ADGRL3: variants seen among roughly 807,000 people sequenced by gnomAD.
ADGRL3 encodes calcium-independent alpha-latrotoxin receptor 3.
In ADGRL3, 62 loss-of-function variants were observed where a neutral mutation model predicts 153.5. That is an observed-to-expected ratio of 0.40 (90% confidence interval 0.33 to 0.50). The LOEUF is 0.50. ADGRL3 is among the 20% of genes least tolerant of loss of function. The pLI, the probability that ADGRL3 is intolerant of heterozygous loss-of-function variation, is 0.47. For missense variants in ADGRL3, 1,641 were observed against 1,859.4 expected (o/e 0.88, Z 2.16); for synonymous variants, 710 against 672.5 (o/e 1.06, Z -0.86).
At position 61,773,370 on chromosome 4, in the gene ADGRL3, A is replaced by T. The variant is rs72638572; in HGVS notation, c.1399+39816A>T. 2.8e-3 allele frequency among the ~76,000 whole-genome samples: 425 copies of T among 152,308 alleles called. 2 individuals are homozygous for T. The highest frequency in any genetic ancestry group is 7.3e-3 in the Admixed American group (111 of 15,300). On this transcript the variant is annotated intron_variant, in intron 8 of 26. Coordinates refer to ENST00000683033, the MANE Select transcript of ADGRL3 (RefSeq NM_001387552.1). ...ATACTGGAGTTTTCTTTTTCCTAGT[A>T]CTATTGTCTCATTCGGCCTCAAGCT...
intron 4 of ADGRL3, among the ~76,000 whole-genome samples, chr4:61,549,244 G>A (rs373612940): frequency 2.0e-5 from 3 of 151,642 alleles, no homozygotes; most frequent in African/African-American, 7.2e-5. Context: ...GGTTTTCTAG[G>A]TATAGAATCA....
intron 9 of ADGRL3, among the ~76,000 whole-genome samples, chr4:61,856,948 TTCTCTTTC>T (rs1158818512): frequency 3.4e-4 from 30 of 88,128 alleles, no homozygotes; most frequent in African/African-American, 1.1e-3. Flanking sequence ...CTCTTTCTTC[TTCTCTTTC>T]TTTCTTTCTT....
At chr4:61,522,076 A>C (rs2098534720) in intron 4 of ADGRL3, among the ~76,000 whole-genome samples, 1 of 152,140 alleles carries the variant, frequency 6.6e-6, no homozygotes, top group Non-Finnish European at 1.5e-5. Context: ...TCTACTTCCC[A>C]GTAATACCTA....
intron 5 of ADGRL3, among the ~76,000 whole-genome samples, chr4:61,589,619 C>T (rs752833486): frequency 3.9e-5 from 6 of 151,962 alleles, no homozygotes; most frequent in Non-Finnish European, 8.8e-5. Context: ...AGAGTCTAAA[C>T]GTTTCTAAGC....
intron 6 of ADGRL3, among the ~76,000 whole-genome samples, chr4:61,725,132 G>A (rs1236923317): frequency 6.6e-6 from 1 of 152,120 alleles, no homozygotes; most frequent in Non-Finnish European, 1.5e-5. Flanking sequence ...GTTGAGCACT[G>A]TAGATGAGTA....
intron 1 of ADGRL3, among the ~76,000 whole-genome samples, chr4:61,349,042 A>C (rs1442602449): frequency 6.6e-6 from 1 of 151,930 alleles, no homozygotes; most frequent in Non-Finnish European, 1.5e-5. Context: ...ATTTAAGACA[A>C]ATATATTTAA....
chr4:61,960,930 G>T (rs1007053718), intron 17 of ADGRL3, among the ~76,000 whole-genome samples: 1 of 152,008 alleles, frequency 6.6e-6, no homozygotes, highest in African/African-American at 2.4e-5. Context: ...GGAGGGTTTC[G>T]ATCTCTTGAC....
chr4:61,555,991 T>G (rs2098764368), intron 4 of ADGRL3, among the ~76,000 whole-genome samples: 1 of 152,120 alleles, frequency 6.6e-6, no homozygotes. Context: ...CTGTATCTTG[T>G]GCTGTCCTCT....
intron 5 of ADGRL3, among the ~76,000 whole-genome samples, chr4:61,657,569 C>T (rs2094475314): frequency 6.6e-6 from 1 of 151,810 alleles, no homozygotes; most frequent in Non-Finnish European, 1.5e-5. Flanking sequence ...TCATTTAACA[C>T]CAAGAGTCAA....
At chr4:62,064,349 C>A (rs1275037172) in intron 25 of ADGRL3, among the ~76,000 whole-genome samples, 190 of 149,196 alleles carry the variant, frequency 1.3e-3, no homozygotes, top group Middle Eastern at 3.5e-3. Context: ...AAAAAAAAAA[C>A]CACCATAGAT....
rs146054150 is a variant in ADGRL3 at position 61,939,281 on chromosome 4, G to A, written c.2419+3236G>A. On this transcript the variant is annotated intron_variant, in intron 15 of 26. Coordinates refer to ENST00000683033, the MANE Select transcript of ADGRL3 (RefSeq NM_001387552.1). ...ATACACTAAAATATACATTTAGCTT[G>A]AGGAAGCATTTAGCTTGGGAATTTG... Among the ~76,000 whole-genome samples, 248 of 152,210 alleles carry A rather than the reference G, an allele frequency of 1.6e-3. 1 individual carries two copies. The highest frequency in any genetic ancestry group is 5.6e-3 in the African/African-American group (234 of 41,536).
chr4:61,372,915 G>T (rs1270205842), intron 1 of ADGRL3, among the ~76,000 whole-genome samples: 1 of 152,256 alleles, frequency 6.6e-6, no homozygotes. Flanking sequence ...GCCAGGTGCG[G>T]GATATAATCT....
At position 62,075,168 on chromosome 4, in the gene ADGRL3, G is replaced by A. The variant is rs1274473930; in HGVS notation, c.*4260G>A. 1 of 152,118 alleles carries A rather than the reference G, an allele frequency of 6.6e-6. No individual in the cohort carries two copies. Among genetic ancestry groups the A allele is most frequent in the Non-Finnish European group, 1.5e-5 (1 of 68,024 alleles). 9.4% of individuals were successfully genotyped at this position (152,118 alleles called of 1,614,324 possible). A position where few individuals can be genotyped will look rare whatever the true frequency, so the allele number is the denominator to read the frequency against. On this transcript the variant is annotated 3_prime_UTR_variant, in exon 27 of 27. Coordinates refer to ENST00000683033, the MANE Select transcript of ADGRL3 (RefSeq NM_001387552.1). ...AGTTGTCTATCAGTACTGTACCGAA[G>A]TGCTACTGCTTGGATTTTTTTGTTG... is the stretch of plus-strand genomic sequence containing the variant.
chr4:61,574,356 T>A (rs1372303536), intron 4 of ADGRL3, among the ~76,000 whole-genome samples: 2 of 151,968 alleles, frequency 1.3e-5, no homozygotes, highest in Non-Finnish European at 1.5e-5. Context: ...TTCATAAAAA[T>A]TTATTAATTT....
chr4:61,330,472 C>T (rs1255882474), intron 1 of ADGRL3, among the ~76,000 whole-genome samples: 8 of 152,158 alleles, frequency 5.3e-5, no homozygotes, highest in Non-Finnish European at 1.2e-4. Flanking sequence ...TGGGTTTAGA[C>T]TGAAACTATG....
At chr4:61,850,571 C>A (rs565435595) in intron 9 of ADGRL3, among the ~76,000 whole-genome samples, 15 of 152,200 alleles carry the variant, frequency 9.9e-5, no homozygotes, top group African/African-American at 3.4e-4. Context: ...GAGCTCAAGA[C>A]AATGGAGGAA....
At chr4:61,432,568 CTCTTCCTTTCTTTCTT>C (rs1271080465) in intron 2 of ADGRL3, among the ~76,000 whole-genome samples, 1,262 of 38,364 alleles carry the variant, frequency 0.033, 282 homozygotes, top group South Asian at 0.05. Flanking sequence ...TCTTTTCTTT[CTCTTCCTTTCTTTCTT>C]TCTTTCTTTC....
At chr4:61,963,687 A>G (rs2098996506) in intron 17 of ADGRL3, among the ~76,000 whole-genome samples, 5 of 152,168 alleles carry the variant, frequency 3.3e-5, no homozygotes, top group Admixed American at 3.3e-4. Flanking sequence ...GGTTGATTCC[A>G]TGTATTTGCT....
intron 24 of ADGRL3, among the ~76,000 whole-genome samples, chr4:62,039,081 TG>T (rs1195322826): frequency 6.6e-6 from 1 of 152,192 alleles, no homozygotes; most frequent in African/African-American, 2.4e-5. Context: ...TTCATAAATT[TG>T]GTTATTTTAT....
Sources: allele counts gnomAD v4.1 joint callset (sites outside exome capture counted in the v4.1 genomes callset), GRCh38; gene constraint gnomAD v4.1.1; transcripts MANE v1.5; gene names NCBI Gene and HGNC (gene_info 2026-07-23, HGNC 2026-07-21).